Variants in SLC26A11 observed in about 807,000 individuals in gnomAD.
SLC26A11 encodes the protein sodium-independent sulfate anion transporter.
Under a neutral mutation model 62.2 loss-of-function variants are expected in SLC26A11, and 58 were observed. The observed-to-expected ratio is 0.93, with a 90% confidence interval of 0.76 to 1.16. The LOEUF is 1.16. SLC26A11 is among the 50% of genes most tolerant of loss of function. The probability of loss-of-function intolerance (pLI) is 0.00; values close to 1 mark genes in which losing one functional copy is unlikely to be tolerated. For synonymous variants in SLC26A11, 411 were observed against 368.9 expected (o/e 1.11, Z -1.31); for missense variants, 790 against 794.3 (o/e 0.99, Z 0.06).
intron 9 of SLC26A11, among the ~76,000 whole-genome samples, chr17:80,238,518 G>T (rs2042761140): frequency 6.6e-6 from 1 of 152,184 alleles, no homozygotes; most frequent in African/African-American, 2.4e-5. Context: ...GTCTCCTTCA[G>T]TGTCTGTTTT....
At chr17:80,226,455 C>G (rs1051434815) in intron 6 of SLC26A11, among the ~76,000 whole-genome samples, 15 of 152,148 alleles carry the variant, frequency 9.9e-5, no homozygotes, top group African/African-American at 3.6e-4. Flanking sequence ...AATCCCAGCA[C>G]TTTGGGAAGC....
At position 80,227,896 on chromosome 17, in the gene SLC26A11, C is replaced by T. The variant is rs553075679; in HGVS notation, c.672C>T (p.Pro224=). ...VLKLMRDHVP[P]VHPEMPPGVR... is the part of the protein sequence containing the mutation. ...AGCTGATGCGGGACCACGTGCCTCC[C>T]GTCCACCCCGAGATGCCCCCTGGTG... The change falls in exon 7 of 18, where the codon CCC becomes CCT. Residue 224 remains proline (P), a synonymous_variant. Transcript: ENST00000361193. 64 of 1,601,734 alleles carry T rather than the reference C, an allele frequency of 4.0e-5. 1 individual carries two copies. Among genetic ancestry groups the T allele is most frequent in the South Asian group, 2.6e-4 (24 of 91,080 alleles).
In SLC26A11 at chr17:80,221,601, C is replaced by T; in HGVS notation, c.41C>T (p.Ser14Phe). The change falls in exon 3 of 18, where the codon TCT becomes TTT. Residue 14 changes from serine (S) to phenylalanine (F), a missense_variant. Physicochemically the swap from Ser to Phe is radical, Grantham distance 155 (BLOSUM62 -2). Coordinates refer to ENST00000361193, the MANE Select transcript of SLC26A11 (RefSeq NM_001166347.2). ...ACGGCGCTGGGTCAGGCCAGGTCCTCTGGCCCCGGGATGGCCCCGAGCGCC... is the reference window on the plus strand; with the variant it reads ...ACGGCGCTGGGTCAGGCCAGGTCCTTTGGCCCCGGGATGGCCCCGAGCGCC... ...SVTALGQARS[S>F]GPGMAPSACC... 1 of 1,606,666 alleles carries T rather than the reference C, an allele frequency of 6.2e-7. No individual in the cohort carries two copies. The highest frequency in any genetic ancestry group is 8.5e-7 in the Non-Finnish European group (1 of 1,179,458).
chr17:80,243,133 G>A (rs2042908041), intron 10 of SLC26A11, among the ~76,000 whole-genome samples: 1 of 152,200 alleles, frequency 6.6e-6, no homozygotes, highest in Admixed American at 6.5e-5. Context: ...TCTTCCCAAG[G>A]GGTGTCCACC....
At chr17:80,248,494 G>A (rs2043069251) in intron 14 of SLC26A11, 81 bp from the exon 15 acceptor site, 4 of 1,431,778 alleles carry the variant, frequency 2.8e-6, no homozygotes, top group Non-Finnish European at 3.8e-6. Context: ...AGGTTGGGTG[G>A]GGGCTTCCCG....
intron 16 of SLC26A11, 84 bp from the exon 17 acceptor site, chr17:80,251,245 C>CT (rs1270937349): frequency 1.9e-6 from 3 of 1,612,670 alleles, no homozygotes; most frequent in Non-Finnish European, 1.7e-6. Flanking sequence ...CCGGGAGACT[C>CT]TGAGATGGCA....
chr17:80,242,677 T>A (rs536612860), intron 10 of SLC26A11, among the ~76,000 whole-genome samples: 3 of 152,342 alleles, frequency 2.0e-5, no homozygotes, highest in African/African-American at 7.2e-5. Flanking sequence ...CGGGCTGACT[T>A]CTTAGTGGTA....
At chr17:80,237,705 T>C in intron 9 of SLC26A11, 111 bp downstream of exon 9, 1 of 933,062 alleles carries the variant, frequency 1.1e-6, no homozygotes. Flanking sequence ...TTTGAATTCA[T>C]ATCCAAGTAA....
intron 6 of SLC26A11, 34 bp from the exon 7 acceptor site, chr17:80,227,784 G>C: frequency 6.3e-7 from 1 of 1,597,966 alleles, no homozygotes; most frequent in Non-Finnish European, 8.5e-7. Context: ...CCTGGGCCGA[G>C]CTGGGTGGTG....
Position 80,246,224 on chromosome 17 carries a change from C to T in SLC26A11, c.1153+15C>T, listed in dbSNP as rs371729311. 119 of 1,606,180 alleles carry T rather than the reference C, an allele frequency of 7.4e-5. 7 individuals carry two copies. Among genetic ancestry groups the T allele is most frequent in the African/African-American group, 1.3e-5 (1 of 74,718 alleles). The stretch of plus-strand genomic sequence containing the variant: ...CCTGGTGACGGGTAAGGCCCCCCAT[C>T]TTCCCCTTGTGCCCGCAGCCCTGAG... On this transcript the variant is annotated intron_variant, in intron 12 of 17. Transcript: ENST00000361193. The surrounding 1 kb of genome is among the most constrained non-coding windows in gnomAD (Gnocchi z 4.4).
chr17:80,249,300 T>C lies in SLC26A11; in HGVS notation c.1656+13T>C, dbSNP rs1187552797. 3 of 1,608,908 alleles carry C rather than the reference T, an allele frequency of 1.9e-6. No individual in the cohort carries two copies. The highest frequency in any genetic ancestry group is 2.5e-6 in the Non-Finnish European group (3 of 1,179,908). On this transcript the variant is annotated intron_variant, in intron 16 of 17. Coordinates refer to ENST00000361193, the MANE Select transcript of SLC26A11 (RefSeq NM_001166347.2). ...TGTGGGCCTGCAGGTGGGTGTGCACTGGGCTGCCTTAGGGGTTAGCAGCTG... is the reference window on the plus strand; with the variant it reads ...TGTGGGCCTGCAGGTGGGTGTGCACCGGGCTGCCTTAGGGGTTAGCAGCTG...
intron 5 of SLC26A11, among the ~76,000 whole-genome samples, chr17:80,224,252 TGTGA>T (rs1328843085): frequency 4.7e-5 from 4 of 84,890 alleles, no homozygotes; most frequent in South Asian, 4.8e-4. Flanking sequence ...TGAGGGAGTG[TGTGA>T]GTGTGTGCGT....
Position 80,228,702 on chromosome 17 carries a change from G to A in SLC26A11, c.736+742G>A, listed in dbSNP as rs370274972. On this transcript the variant is annotated intron_variant, in intron 7 of 17. Transcript: ENST00000361193. The surrounding 1 kb of genome is among the most constrained non-coding windows in gnomAD (Gnocchi z 4.1). ...AAACAGTGATCCGGCCCAAAATGTCGGCGGTGCCGAGGTGGAGAAACACAG... is the reference window on the plus strand; with the variant it reads ...AAACAGTGATCCGGCCCAAAATGTCAGCGGTGCCGAGGTGGAGAAACACAG... Among the ~76,000 whole-genome samples, 10 of 152,322 alleles carry A rather than the reference G, an allele frequency of 6.6e-5. 1 individual carries two copies. Among genetic ancestry groups the A allele is most frequent in the African/African-American group, 2.2e-4 (9 of 41,570 alleles).
In SLC26A11 at chr17:80,248,647, GA is replaced by G; in HGVS notation, c.1496del (p.Glu499GlyfsTer4). 6.3e-7 allele frequency: 1 copy of G among 1,580,956 alleles called. No individual in the cohort carries two copies. The highest frequency in any genetic ancestry group is 8.6e-7 in the Non-Finnish European group (1 of 1,163,512). On this transcript the variant is annotated frameshift_variant, in exon 15 of 18. Transcript: ENST00000361193. LOFTEE classifies it high-confidence loss of function. Reference sequence around the variant, plus strand: ...CTTCCCTGCCATGGAGGCTCTGCGGGAGGAGATCCTAAGCCGGGCCCTGGAA... The same window carrying G: ...CTTCCCTGCCATGGAGGCTCTGCGGGGGAGATCCTAAGCCGGGCCCTGGAA... ...LSFPAMEALR[E>X]EILSRALEVS...
At chr17:80,224,396 T>C (rs2042334865) in intron 5 of SLC26A11, among the ~76,000 whole-genome samples, 1 of 146,090 alleles carries the variant, frequency 6.8e-6, no homozygotes, top group South Asian at 2.2e-4. Context: ...TGTGAGTGTA[T>C]GAGTGTGAGA....
At chr17:80,236,663 C>T (rs558919482) in intron 7 of SLC26A11, 68 of 421,116 alleles carry the variant, frequency 1.6e-4, no homozygotes, top group East Asian at 8.3e-4. Flanking sequence ...GTCTTTGCCG[C>T]GGTGCACGAT....
chr17:80,228,278 G>A lies in SLC26A11; in HGVS notation c.736+318G>A, dbSNP rs546360422. Among the ~76,000 whole-genome samples the A allele has an allele frequency of 9.6e-4, 146 of 152,184 alleles. No homozygotes were observed. The highest frequency in any genetic ancestry group is 3.4e-3 in the African/African-American group (143 of 41,508). ...CTCCTGAGTAGCTGGGATTACAGGCGCATGCCACCACGCTCGACTGATTTT... is the reference window on the plus strand; with the variant it reads ...CTCCTGAGTAGCTGGGATTACAGGCACATGCCACCACGCTCGACTGATTTT... On this transcript the variant is annotated intron_variant, in intron 7 of 17. Transcript: ENST00000361193. The surrounding 1 kb of genome is among the most constrained non-coding windows in gnomAD (Gnocchi z 4.1).
intron 10 of SLC26A11, among the ~76,000 whole-genome samples, chr17:80,243,645 C>T (rs755437938): frequency 1.2e-4 from 19 of 152,346 alleles, no homozygotes; most frequent in Non-Finnish European, 2.4e-4. Context: ...GATCCGCCCG[C>T]GTTGGCCTCC....
At chr17:80,241,937 G>A in intron 10 of SLC26A11, 116 bp downstream of exon 10, 1 of 1,167,252 alleles carries the variant, frequency 8.6e-7, no homozygotes, top group Non-Finnish European at 1.3e-6. Flanking sequence ...TGAACTGGGA[G>A]GGCAAAGGTG....
Sources: allele counts gnomAD v4.1 joint callset (sites outside exome capture counted in the v4.1 genomes callset), GRCh38; gene constraint gnomAD v4.1.1; non-coding constraint Gnocchi (gnomAD v3.1); transcripts MANE v1.5; gene names NCBI Gene and HGNC (gene_info 2026-07-23, HGNC 2026-07-21).